The following DPH6 variants were observed in gnomAD, a reference collection of about 807,000 sequenced individuals.
The protein encoded by DPH6 is diphthine--ammonia ligase.
Under a neutral mutation model 38.2 loss-of-function variants are expected in DPH6, and 33 were observed. That is an observed-to-expected ratio of 0.86 (90% CI 0.65 to 1.15). The LOEUF (loss-of-function observed/expected upper bound fraction) is 1.15, where lower values mean the gene tolerates loss of function less well. Among genes scored for constraint, DPH6 ranks in the 50% most tolerant of loss-of-function variants. The pLI is 0.00. For synonymous variants in DPH6, 108 were observed against 103.0 expected (o/e 1.05, Z -0.30); for missense variants, 325 against 320.0 (o/e 1.02, Z -0.12).
chr15:35,242,777 T>C (rs1239541956), intron 3 of DPH6, among the ~76,000 whole-genome samples: 1 of 142,388 alleles, frequency 7.0e-6, no homozygotes, highest in East Asian at 2.2e-4. Flanking sequence ...TCCTTTTTAT[T>C]AGGCCCCAGT....
the DPH6 span, among the ~76,000 whole-genome samples, chr15:35,151,026 C>T: frequency 2.6e-5 from 4 of 151,812 alleles, no homozygotes; most frequent in Non-Finnish European, 5.9e-5. Flanking sequence ...ACCAACCCCG[C>T]GAAAACAAAA....
intron 3 of DPH6, among the ~76,000 whole-genome samples, chr15:35,289,413 T>C (rs901573487): frequency 1.3e-5 from 2 of 152,224 alleles, no homozygotes; most frequent in Non-Finnish European, 2.9e-5. Flanking sequence ...CAAATGTCAC[T>C]GTCTAGATTA....
chr15:35,509,794 C>T (rs570702701), intron 3 of DPH6, among the ~76,000 whole-genome samples: 2 of 152,282 alleles, frequency 1.3e-5, no homozygotes, highest in African/African-American at 4.8e-5. Flanking sequence ...AAGGGGAAAG[C>T]CTTCTTACTT....
chr15:35,352,297 T>C (rs1434821687), intron 3 of DPH6, among the ~76,000 whole-genome samples: 1 of 152,194 alleles, frequency 6.6e-6, no homozygotes, highest in East Asian at 1.9e-4. Flanking sequence ...TTTTTTATTA[T>C]ACTTTAAGTT....
At chr15:35,354,389 C>T (rs925069677) in intron 3 of DPH6, among the ~76,000 whole-genome samples, 17 of 152,124 alleles carry the variant, frequency 1.1e-4, no homozygotes, top group Non-Finnish European at 2.2e-4. Flanking sequence ...CCAGTTTTTG[C>T]CCATTCAGTA....
intron 3 of DPH6, among the ~76,000 whole-genome samples, chr15:35,526,126 C>T (rs970924078): frequency 6.6e-6 from 1 of 152,128 alleles, no homozygotes; most frequent in Middle Eastern, 3.2e-3. Flanking sequence ...TCATGAAAGG[C>T]TCAAAGGGAA....
chr15:35,217,351 ATTTATTT>A (rs987279837), exon 4 of DPH6: 3 of 151,810 alleles, frequency 2.0e-5, no homozygotes, highest in African/African-American at 4.8e-5. Context: ...CTTATTTTTT[ATTTATTT>A]TTTATTTTTT....
In DPH6 at chr15:35,243,345, G is replaced by A. The variant is rs1414068152; in HGVS notation, n.201-22763C>T. Among the ~76,000 whole-genome samples the A allele has an allele frequency of 1.9e-4, 27 of 141,342 alleles. 4 individuals carry two copies. Among genetic ancestry groups the A allele is most frequent in the East Asian group, 1.8e-3 (8 of 4,530 alleles). 92.7% of individuals were successfully genotyped at this position (141,342 alleles called of 152,430 possible). The stretch of plus-strand genomic sequence containing the variant: ...ATACCACCCCCCAAAAATTTTCGCC[G>A]CCCCAACACTTCAACACTATTTTGT... On this transcript the variant is annotated intron_variant and non_coding_transcript_variant, in intron 3 of 3. Transcript: ENST00000560386.
chr15:35,351,716 A>G (rs73376745), intron 3 of DPH6, among the ~76,000 whole-genome samples: 3,536 of 147,900 alleles, frequency 0.024, 59 homozygotes, highest in African/African-American at 0.044. Flanking sequence ...TTGATGTCAG[A>G]CTTCTTTTTT....
At chr15:35,534,495 AGTT>A (rs1332725822) in intron 3 of DPH6, among the ~76,000 whole-genome samples, 1 of 152,140 alleles carries the variant, frequency 6.6e-6, no homozygotes, top group Non-Finnish European at 1.5e-5. Flanking sequence ...AAGAAAAATA[AGTT>A]GTTATTAAAA....
intron 3 of DPH6, among the ~76,000 whole-genome samples, chr15:35,343,627 A>T (rs1259858439): frequency 6.6e-6 from 1 of 151,998 alleles, no homozygotes; most frequent in Non-Finnish European, 1.5e-5. Flanking sequence ...TTAGAAGATG[A>T]TTCTTAGATA....
At chr15:35,145,292 T>C in the DPH6 span, among the ~76,000 whole-genome samples, 1 of 152,236 alleles carries the variant, frequency 6.6e-6, no homozygotes, top group Non-Finnish European at 1.5e-5. Context: ...TTTCATAACA[T>C]AGATGTGCTA....
intron 3 of DPH6, chr15:35,365,787 T>C (rs2052653411): frequency 1.0e-6 from 1 of 985,110 alleles, no homozygotes; most frequent in African/African-American, 1.7e-5. Flanking sequence ...CCTTTAAATG[T>C]GGGTGAAACT....
Position 35,317,275 on chromosome 15 carries a change from A to AAG in DPH6, n.200+56244_200+56245dup, listed in dbSNP as rs374065713. Among the ~76,000 whole-genome samples the AAG allele has an allele frequency of 4.9e-3, 415 of 84,278 alleles. 1 individual carries two copies. The highest frequency in any genetic ancestry group is 9.8e-3 in the East Asian group (25 of 2,554). 55.3% of individuals were successfully genotyped at this position (84,278 alleles called of 152,430 possible). On this transcript the variant is annotated intron_variant and non_coding_transcript_variant, in intron 3 of 3. Transcript: ENST00000560386. ...AGACTCTGAAAAAAAGAAAGAAAGA[A>AAG]AGAGAGAGAGAGAGAAAGAAAGAAG...
intron 1 of DPH6, among the ~76,000 whole-genome samples, chr15:35,544,660 ATACT>A (rs753896426): frequency 6.6e-6 from 1 of 152,216 alleles, no homozygotes; most frequent in African/African-American, 2.4e-5. Flanking sequence ...TTACGTATTC[ATACT>A]TACAGCATAT....
intron 5 of DPH6, among the ~76,000 whole-genome samples, chr15:35,447,241 G>C (rs556663528): frequency 6.6e-6 from 1 of 152,142 alleles, no homozygotes; most frequent in Non-Finnish European, 1.5e-5. Flanking sequence ...TCAGTTAGGT[G>C]AGCATCAAAT....
chr15:35,328,248 T>C (rs2052300938), downstream of DPH6, among the ~76,000 whole-genome samples: 1 of 152,180 alleles, frequency 6.6e-6, no homozygotes, highest in Non-Finnish European at 1.5e-5. Flanking sequence ...CTATTAATTA[T>C]CCCTGACAGG....
chr15:35,539,510 T>G (rs370409347), intron 2 of DPH6, among the ~76,000 whole-genome samples: 7 of 152,166 alleles, frequency 4.6e-5, no homozygotes, highest in African/African-American at 1.7e-4. Flanking sequence ...TGCTTTCAGG[T>G]ACTCCAATAA....
intron 6 of DPH6, among the ~76,000 whole-genome samples, chr15:35,406,165 T>C (rs2053290491): frequency 1.3e-5 from 2 of 151,956 alleles, no homozygotes. Context: ...GAGCTTTGAA[T>C]TGAGATTTTA....
Sources: gnomAD v4.1 joint callset for allele counts (sites outside exome capture counted in the v4.1 genomes callset) on GRCh38, gnomAD v4.1.1 for gene constraint, MANE v1.5 for transcripts, NCBI Gene and HGNC (gene_info 2026-07-23, HGNC 2026-07-21) for gene names.